Variants in PDXK observed in about 807,000 individuals in gnomAD.
The protein encoded by PDXK is pyridoxal kinase, also known as epididymis secretory sperm binding protein Li 1a.
Under a neutral mutation model 43.2 loss-of-function variants are expected in PDXK, and 15 were observed. That is an observed-to-expected ratio of 0.35 (90% CI 0.23 to 0.53). The LOEUF (loss-of-function observed/expected upper bound fraction) is 0.53, where lower values mean the gene tolerates loss of function less well. PDXK is among the 20% of genes least tolerant of loss of function. The probability of loss-of-function intolerance (pLI) is 0.92; values close to 1 mark genes in which losing one functional copy is unlikely to be tolerated. For synonymous variants in PDXK, 172 were observed against 165.4 expected (o/e 1.04, Z -0.31); for missense variants, 343 against 417.0 (o/e 0.82, Z 1.54).
chr21:43,731,219 C>A (rs75090478), intron 1 of PDXK, among the ~76,000 whole-genome samples: 2,197 of 152,330 alleles, frequency 0.014, 26 homozygotes, highest in Middle Eastern at 0.037. Flanking sequence ...AATCCATCTT[C>A]AAAGCCAGCA....
At position 43,737,288 on chromosome 21, in the gene PDXK, G is replaced by T; in HGVS notation, c.142+3165G>T. ...GCAGAGCCCACCTGGCGCAGGCCTC[G>T]CCGCCTCGAGGCTGCTGCTCGCACT... is the stretch of plus-strand genomic sequence containing the variant. On this transcript the variant is annotated intron_variant, in intron 2 of 10. Coordinates refer to ENST00000291565, the MANE Select transcript of PDXK (RefSeq NM_003681.5). The surrounding 1 kb of genome is among the most constrained non-coding windows in gnomAD (Gnocchi z 4.8). 7.1e-7 allele frequency: 1 copy of T among 1,401,336 alleles called. No homozygotes were observed. The highest frequency in any genetic ancestry group is 1.5e-5 in the South Asian group (1 of 64,596). 86.8% of individuals were successfully genotyped at this position (1,401,336 alleles called of 1,614,324 possible). A position where few individuals can be genotyped will look rare whatever the true frequency, so the allele number is the denominator to read the frequency against.
chr21:43,762,236 C>T lies in PDXK; in HGVS notation c.*6173C>T, dbSNP rs1283454068. The T allele has an allele frequency of 6.6e-6, 1 of 152,292 alleles. No homozygotes were observed. Among genetic ancestry groups the T allele is most frequent in the African/African-American group, 2.4e-5 (1 of 41,438 alleles). 9.4% of individuals were successfully genotyped at this position (152,292 alleles called of 1,614,324 possible). ...CGGTCCTACAGCACTGTGTAGGCTG[C>T]ATCTGTTTCGTGCTGGTCCTGTTGA... On this transcript the variant is annotated 3_prime_UTR_variant, in exon 11 of 11. Transcript: ENST00000291565.
At position 43,719,848 on chromosome 21, in the gene PDXK, C is replaced by T. The variant is rs991474354; in HGVS notation, c.87+467C>T. ...CTCGAGACGCTCGCGCGCTCACCTC[C>T]TGGGCCCCTGTGCGTGGGGAAGTCA... is the stretch of plus-strand genomic sequence containing the variant. On this transcript the variant is annotated intron_variant, in intron 1 of 10. Transcript: ENST00000291565. 11 of 985,362 alleles carry T rather than the reference C, an allele frequency of 1.1e-5. No homozygotes were observed. The African/African-American group carries it at 1.2e-4, about 11-fold the overall frequency. The allele number at this position is 985,362 out of a possible 1,614,324, so 61.0% of individuals were successfully genotyped here. A position where few individuals can be genotyped will look rare whatever the true frequency, so the allele number is the denominator to read the frequency against.
At chr21:43,752,403 G>A (rs530745822) in intron 7 of PDXK, 115 bp from the exon 8 acceptor site, 15 of 695,742 alleles carry the variant, frequency 2.2e-5, no homozygotes, top group African/African-American at 3.5e-5. Context: ...GGGTGTGACC[G>A]GCCGTGGCTG....
chr21:43,748,127 A>G (rs2083669723), intron 5 of PDXK, among the ~76,000 whole-genome samples: 1 of 152,234 alleles, frequency 6.6e-6, no homozygotes, highest in Non-Finnish European at 1.5e-5. Flanking sequence ...GGGCTGCTGA[A>G]ATGTTCCATG....
chr21:43,726,709 A>G (rs1252157227), intron 1 of PDXK, among the ~76,000 whole-genome samples: 1 of 151,946 alleles, frequency 6.6e-6, no homozygotes, highest in Non-Finnish European at 1.5e-5. Context: ...CACCCAGCCT[A>G]TTGGTCCCAT....
chr21:43,732,492 C>A lies in PDXK; in HGVS notation c.88-1577C>A. 1 of 1,520,928 alleles carries A rather than the reference C, an allele frequency of 6.6e-7. No individual in the cohort carries two copies. Among genetic ancestry groups the A allele is most frequent in the Non-Finnish European group, 9.1e-7 (1 of 1,095,888 alleles). 94.2% of individuals were successfully genotyped at this position (1,520,928 alleles called of 1,614,324 possible). A position where few individuals can be genotyped will look rare whatever the true frequency, so the allele number is the denominator to read the frequency against. On this transcript the variant is annotated intron_variant, in intron 1 of 10. Coordinates refer to ENST00000291565, the MANE Select transcript of PDXK (RefSeq NM_003681.5). The surrounding 1 kb of genome is among the most constrained non-coding windows in gnomAD (Gnocchi z 4.1). ...CAGGGGCTCAGCTTGCTCGTGCTCT[C>A]ATTTAAAAGCAGAAAATAGCGACTT...
intron 1 of PDXK, among the ~76,000 whole-genome samples, chr21:43,725,358 C>A (rs1032410849): frequency 6.6e-6 from 1 of 152,080 alleles, no homozygotes; most frequent in African/African-American, 2.4e-5. Flanking sequence ...TTTGAAAAAT[C>A]TTTACATTTT....
chr21:43,756,017 G>A lies in PDXK; in HGVS notation c.893G>A (p.Arg298Lys), dbSNP rs1396442628. ...GAGCTGCGGATGGTGCAGAGCAAAA[G>A]GGACATCGAGGACCCAGAGATCGTC... ...QLELRMVQSK[R>K]DIEDPEIVVQ... The change falls in exon 11 of 11, where the codon AGG becomes AAG. Residue 298 changes from arginine (R) to lysine (K), a missense_variant. By Grantham distance (26) the Arg-to-Lys change is conservative. Coordinates refer to ENST00000291565, the MANE Select transcript of PDXK (RefSeq NM_003681.5). 3.1e-6 allele frequency: 5 copies of A among 1,613,258 alleles called. No individual in the cohort carries two copies. The East Asian group carries it at 8.9e-5, about 29-fold the overall frequency.
At position 43,741,660 on chromosome 21, in the gene PDXK, C is replaced by T. The variant is rs760126922; in HGVS notation, c.143-7C>T. 12 of 1,610,148 alleles carry T rather than the reference C, an allele frequency of 7.5e-6. No individual in the cohort carries two copies. The highest frequency in any genetic ancestry group is 5.3e-5 in the African/African-American group (4 of 74,822). On this transcript the variant is annotated splice_polypyrimidine_tract_variant and splice_region_variant and intron_variant, in intron 2 of 10. Transcript: ENST00000291565. ...GTCTGAGCCCCCATGGCTTCCTCTG[C>T]CTCTAGGCTATGCCCACTGGAAGGG...
intron 1 of PDXK, among the ~76,000 whole-genome samples, chr21:43,727,744 A>C (rs1445553493): frequency 6.6e-6 from 1 of 152,206 alleles, no homozygotes; most frequent in Non-Finnish European, 1.5e-5. Context: ...AGGGAGGAAC[A>C]GCATCCAGGA....
chr21:43,752,100 C>CGT (rs1568991918), intron 7 of PDXK, among the ~76,000 whole-genome samples: 65 of 133,946 alleles, frequency 4.9e-4, no homozygotes, highest in African/African-American at 1.1e-3. Flanking sequence ...CGATGCAGCA[C>CGT]ATGTGTGTGT....
At chr21:43,741,929 A>T (rs2083541143) in intron 3 of PDXK, among the ~76,000 whole-genome samples, 158 bp downstream of exon 3, 1 of 152,072 alleles carries the variant, frequency 6.6e-6, no homozygotes, top group Non-Finnish European at 1.5e-5. Context: ...CACCCCCGGT[A>T]GCCTGGGGGG....
intron 4 of PDXK, among the ~76,000 whole-genome samples, chr21:43,745,491 T>C (rs55951339): frequency 0.033 from 4,945 of 150,430 alleles, 256 homozygotes; most frequent in African/African-American, 0.11. Flanking sequence ...GGCGTGAGTG[T>C]ATAGTGAGGA....
intron 2 of PDXK, chr21:43,738,188 C>G: frequency 3.4e-6 from 1 of 297,938 alleles, no homozygotes; most frequent in Non-Finnish European, 5.0e-6. Flanking sequence ...GCCATCAGGG[C>G]TCTGGGTGGG....
rs774974280 is a variant in PDXK at position 43,756,088 on chromosome 21, C to T, written c.*25C>T. ...AGGGCCCCGCCGCTTGCCCGTGACA[C>T]GCAGCGCGTTGGTGTCTCCGTGTTT... On this transcript the variant is annotated 3_prime_UTR_variant, in exon 11 of 11. Coordinates refer to ENST00000291565, the MANE Select transcript of PDXK (RefSeq NM_003681.5). 2.4e-5 allele frequency: 32 copies of T among 1,338,930 alleles called. No individual in the cohort carries two copies. Among genetic ancestry groups the T allele is most frequent in the African/African-American group, 1.6e-4 (11 of 69,586 alleles). 82.9% of individuals were successfully genotyped at this position (1,338,930 alleles called of 1,614,324 possible).
Position 43,753,801 on chromosome 21 carries a change from G to A in PDXK, c.759+82G>A, listed in dbSNP as rs1435863698. The A allele has an allele frequency of 4.8e-6, 7 of 1,461,692 alleles. No individual in the cohort carries two copies. The East Asian group carries it at 1.5e-4, about 30-fold the overall frequency. The allele number at this position is 1,461,692 out of a possible 1,614,324, so 90.5% of individuals were successfully genotyped here. ...CAGGATATGAGAGTCCTGGTGGGGG[G>A]TCCCTGCTGAGCTGACAGGGCATGG... On this transcript the variant is annotated intron_variant, in intron 9 of 10. Coordinates refer to ENST00000291565, the MANE Select transcript of PDXK (RefSeq NM_003681.5).
chr21:43,736,566 T>G (rs2083406030), intron 2 of PDXK, among the ~76,000 whole-genome samples: 1 of 151,864 alleles, frequency 6.6e-6, no homozygotes, highest in Non-Finnish European at 1.5e-5. Flanking sequence ...GGCAGGGAGC[T>G]GGGATGATGC....
rs2070534 is a variant in PDXK at position 43,755,489 on chromosome 21, G to A, written c.760-209G>A. The A allele has an allele frequency of 0.32, 189,725 of 585,418 alleles. 31,346 individuals are homozygous for A. The highest frequency in any genetic ancestry group is 0.46 in the East Asian group (16,105 of 35,288). The allele number at this position is 585,418 out of a possible 1,614,324, so 36.3% of individuals were successfully genotyped here. On this transcript the variant is annotated intron_variant, in intron 9 of 10. Transcript: ENST00000291565. ...TTGTCCAGAGCAGGTAGCTGGGACC[G>A]GGCATCTGCTCAGCCCTCCGGGCTC... is the stretch of plus-strand genomic sequence containing the variant.
Sources: allele counts gnomAD v4.1 joint callset (sites outside exome capture counted in the v4.1 genomes callset), GRCh38; gene constraint gnomAD v4.1.1; non-coding constraint Gnocchi (gnomAD v3.1); transcripts MANE v1.5; gene names NCBI Gene and HGNC (gene_info 2026-07-23, HGNC 2026-07-21).